The following B4GALT7 variants were observed in gnomAD, a reference collection of about 807,000 sequenced individuals.
B4GALT7 encodes the protein UDP-Gal:beta-GlcNAc beta-1,4-galactosyltransferase 7.
Under a neutral mutation model 33.0 loss-of-function variants are expected in B4GALT7, and 30 were observed. The ratio of observed to expected loss-of-function variants is 0.91; its 90% CI spans 0.68 to 1.23. The LOEUF (loss-of-function observed/expected upper bound fraction) is 1.23, where lower values mean the gene tolerates loss of function less well. Ranked by LOEUF, B4GALT7 falls within the 50% of genes most tolerant of loss-of-function variation. B4GALT7 has a pLI of 0.00. For missense variants in B4GALT7, 507 were observed against 450.8 expected, an observed-to-expected ratio of 1.12 and a Z score of -1.13; for synonymous variants, 213 against 187.2, an observed-to-expected ratio of 1.14 and a Z score of -1.13.
In B4GALT7 at chr5:177,608,990, G is replaced by A. The variant is rs1254582509; in HGVS notation, c.804G>A (p.Gln268=). The change falls in exon 5 of 6, where the codon CAG becomes CAA. Residue 268 remains glutamine, a synonymous_variant. Coordinates refer to ENST00000029410, the MANE Select transcript of B4GALT7 (RefSeq NM_007255.3). This position sits in a 1 kb window ranked among gnomAD's most constrained non-coding sequence, Gnocchi z 4.1. ...ACCCAGCCTGGCGGAAGAGGGACCA[G>A]AAGCGCATCGCAGCTCAAAAACAGG... ...LHDPAWRKRD[Q]KRIAAQKQEQ... 3.1e-6 allele frequency: 5 copies of A among 1,612,584 alleles called. No homozygotes were observed. Among genetic ancestry groups the A allele is most frequent in the Non-Finnish European group, 3.4e-6 (4 of 1,179,986 alleles).
At position 177,603,128 on chromosome 5, in the gene B4GALT7, G is replaced by T. The variant is rs1463698468; in HGVS notation, c.51-1051G>T. On this transcript the variant is annotated intron_variant, in intron 1 of 5. Coordinates refer to ENST00000029410, the MANE Select transcript of B4GALT7 (RefSeq NM_007255.3). The stretch of plus-strand genomic sequence containing the variant: ...GAGCTCCTGACCTCGTGATGCACCT[G>T]CCTCGGCCTCCCAAAGTGCTGGGAT... The T allele has an allele frequency of 3.7e-6, 3 of 800,320 alleles. No individual in the cohort carries two copies. The East Asian group carries it at 3.8e-4, about 101-fold the overall frequency. 49.6% of individuals were successfully genotyped at this position (800,320 alleles called of 1,614,324 possible).
intron 2 of B4GALT7, 122 bp downstream of exon 2, chr5:177,604,663 GGT>G: frequency 7.7e-7 from 1 of 1,304,496 alleles, no homozygotes; most frequent in Non-Finnish European, 1.1e-6. Flanking sequence ...CCTCTCACTG[GGT>G]GTGACAGGAA....
In B4GALT7 at chr5:177,607,306, A is replaced by G; in HGVS notation, c.418A>G (p.Asn140Asp). The change falls in exon 3 of 6, where the codon AAC becomes GAC. Residue 140 changes from asparagine to aspartate, a missense_variant. Transcript: ENST00000029410. ...VLNQVDHFRF[N>D]RAALINVGFL... ...AGCCTTGCCCACCCTGCACAGGTTC[A>G]ACCGGGCAGCGCTCATCAACGTGGG... is the stretch of plus-strand genomic sequence containing the variant. 1 of 1,607,536 alleles carries G rather than the reference A, an allele frequency of 6.2e-7. No homozygotes were observed. The highest frequency in any genetic ancestry group is 1.1e-5 in the South Asian group (1 of 90,062).
chr5:177,604,354 C>T lies in B4GALT7; in HGVS notation c.226C>T (p.Pro76Ser), dbSNP rs563580440. The T allele has an allele frequency of 4.3e-6, 7 of 1,611,970 alleles. No individual in the cohort carries two copies. The highest frequency in any genetic ancestry group is 3.3e-5 in the Admixed American group (2 of 59,936). ...QETSGPPRAC[P>S]PEPPPEHWEE... The stretch of plus-strand genomic sequence containing the variant: ...GACCTCGGGCCCTCCCCGTGCCTGC[C>T]CCCCAGAGCCGCCCCCTGAGCACTG... The change falls in exon 2 of 6, where the codon CCC becomes TCC. Residue 76 changes from proline to serine, a missense_variant. Transcript: ENST00000029410.
At chr5:177,602,873 GAATT>G in intron 1 of B4GALT7, 1 of 870,526 alleles carries the variant, frequency 1.1e-6, no homozygotes, top group Non-Finnish European at 1.3e-6. Flanking sequence ...TTAGGAGATA[GAATT>G]TATTTATTTA....
In B4GALT7 at chr5:177,608,367, G is replaced by A. The variant is rs762389758; in HGVS notation, c.640-172G>A. 3.2e-6 allele frequency: 2 copies of A among 619,518 alleles called. No individual in the cohort carries two copies. The highest frequency in any genetic ancestry group is 1.8e-5 in the African/African-American group (1 of 54,420). The allele number at this position is 619,518 out of a possible 1,614,324, so 38.4% of individuals were successfully genotyped here. ...TCAAGGCCCCGTGAGAACGGGAGAG[G>A]GCCCGGGACGCGCTGCTTCCTGCCG... On this transcript the variant is annotated intron_variant, in intron 3 of 5. Transcript: ENST00000029410. The surrounding 1 kb of genome is among the most constrained non-coding windows in gnomAD (Gnocchi z 4.1).
Position 177,600,404 on chromosome 5 carries a change from T to C in B4GALT7, c.50+144T>C, listed in dbSNP as rs2306760. 0.099 allele frequency: 59,228 copies of C among 600,386 alleles called. 4,340 individuals carry two copies. The highest frequency in any genetic ancestry group is 0.32 in the East Asian group (8,740 of 27,368). 37.2% of individuals were successfully genotyped at this position (600,386 alleles called of 1,614,324 possible). A position where few individuals can be genotyped will look rare whatever the true frequency, so the allele number is the denominator to read the frequency against. ...GCGTGTGGTTCTCCCTGTGGGTCCCTGGCGCTCTGTTCCGGTTTCTGTCTG... is the reference window on the plus strand; with the variant it reads ...GCGTGTGGTTCTCCCTGTGGGTCCCCGGCGCTCTGTTCCGGTTTCTGTCTG... On this transcript the variant is annotated intron_variant, in intron 1 of 5. Transcript: ENST00000029410. The surrounding 1 kb of genome is among the most constrained non-coding windows in gnomAD (Gnocchi z 4.4).
At chr5:177,602,742 C>A (rs1401348846) in intron 1 of B4GALT7, 3 of 794,034 alleles carry the variant, frequency 3.8e-6, no homozygotes, top group South Asian at 5.7e-5. Context: ...TCATGGAGGG[C>A]TTTGACTGTC....
At chr5:177,605,334 C>G (rs904271738) in intron 2 of B4GALT7, 1 of 278,532 alleles carries the variant, frequency 3.6e-6, no homozygotes, top group South Asian at 3.4e-5. Context: ...AAAGACAACA[C>G]GTGAGGCGGC....
chr5:177,609,000 G>A lies in B4GALT7; in HGVS notation c.814G>A (p.Ala272Thr), dbSNP rs146632722. The A allele has an allele frequency of 1.0e-3, 1,648 of 1,611,628 alleles. 1 individual carries two copies. The highest frequency in any genetic ancestry group is 1.3e-3 in the Non-Finnish European group (1,560 of 1,179,892). Residue 272 changes from alanine to threonine, a missense_variant, in exon 5 of 6, where the codon GCA (alanine) becomes ACA (threonine). Transcript: ENST00000029410. The surrounding 1 kb of genome is among the most constrained non-coding windows in gnomAD (Gnocchi z 4.1). ...GCGGAAGAGGGACCAGAAGCGCATC[G>A]CAGCTCAAAAACAGGTGCTGGCAGG... ...AWRKRDQKRI[A>T]AQKQEQFKVD...
intron 1 of B4GALT7, among the ~76,000 whole-genome samples, chr5:177,601,777 G>A (rs1223350100): frequency 6.6e-6 from 1 of 151,744 alleles, no homozygotes; most frequent in East Asian, 2.0e-4. Context: ...GAGCCACTGG[G>A]ACTGCAAATC....
In B4GALT7 at chr5:177,600,324, C is replaced by T; in HGVS notation, c.50+64C>T. The stretch of plus-strand genomic sequence containing the variant: ...GCGCCGCTCCCTTCTCGGCCGCCGG[C>T]GGAATCTGGGAACCCGAGGCCATCA... On this transcript the variant is annotated intron_variant, in intron 1 of 5. Transcript: ENST00000029410. The surrounding 1 kb of genome is among the most constrained non-coding windows in gnomAD (Gnocchi z 4.4). 8.1e-7 allele frequency: 1 copy of T among 1,236,132 alleles called. No homozygotes were observed. The highest frequency in any genetic ancestry group is 1.0e-6 in the Non-Finnish European group (1 of 975,964). 76.6% of individuals were successfully genotyped at this position (1,236,132 alleles called of 1,614,324 possible). A position where few individuals can be genotyped will look rare whatever the true frequency, so the allele number is the denominator to read the frequency against.
In B4GALT7 at chr5:177,606,969, C is replaced by T. The variant is rs561598099; in HGVS notation, c.414-333C>T. On this transcript the variant is annotated intron_variant, in intron 2 of 5. Coordinates refer to ENST00000029410, the MANE Select transcript of B4GALT7 (RefSeq NM_007255.3). The surrounding 1 kb of genome is among the most constrained non-coding windows in gnomAD (Gnocchi z 4.2). The stretch of plus-strand genomic sequence containing the variant: ...GCCACCTCCACCCCCAGCAAGATCG[C>T]CCTCCTTGCCTGCTTTGCTTTTCCC... 1.8e-4 allele frequency: 74 copies of T among 411,406 alleles called. 1 individual carries two copies. The highest frequency in any genetic ancestry group is 1.5e-3 in the South Asian group (72 of 47,322). The allele number at this position is 411,406 out of a possible 1,614,324, so 25.5% of individuals were successfully genotyped here.
chr5:177,607,627 A>T, intron 3 of B4GALT7, 100 bp downstream of exon 3: 1 of 1,193,750 alleles, frequency 8.4e-7, no homozygotes, highest in Non-Finnish European at 1.2e-6. Flanking sequence ...CAGCAGATGG[A>T]GCCCTGCCCT....
Position 177,607,732 on chromosome 5 carries a change from A to C in B4GALT7, c.639+205A>C, listed in dbSNP as rs190108438. Reference sequence around the variant, plus strand: ...AACTGCTTGCACGGGGGCTTCAGAAACCTGGGTGGTTAGTGGCCCTTAACA... The same window carrying C: ...AACTGCTTGCACGGGGGCTTCAGAACCCTGGGTGGTTAGTGGCCCTTAACA... On this transcript the variant is annotated intron_variant, in intron 3 of 5. Transcript: ENST00000029410. The C allele has an allele frequency of 5.1e-4, 309 of 610,966 alleles. 2 individuals carry two copies. Among genetic ancestry groups the C allele is most frequent in the African/African-American group, 3.8e-3 (207 of 54,244 alleles). The allele number at this position is 610,966 out of a possible 1,614,324, so 37.8% of individuals were successfully genotyped here.
intron 5 of B4GALT7, 72 bp from the exon 6 acceptor site, chr5:177,609,468 T>G (rs907892420): frequency 3.2e-6 from 5 of 1,571,954 alleles, no homozygotes; most frequent in African/African-American, 2.7e-5. Flanking sequence ...GATGGCGAGG[T>G]TGTGTGGGGT....
rs1484335990 is a variant in B4GALT7 at position 177,606,678 on chromosome 5, A to G, written c.414-624A>G. ...CGCCTCTACCCTGCTCAGAGCCTCC[A>G]TGGCACCCATCTTACCCGAGTCAAA... On this transcript the variant is annotated intron_variant, in intron 2 of 5. Transcript: ENST00000029410. The surrounding 1 kb of genome is among the most constrained non-coding windows in gnomAD (Gnocchi z 4.2). The G allele has an allele frequency of 5.2e-6, 1 of 193,948 alleles. No homozygotes were observed. The highest frequency in any genetic ancestry group is 5.3e-5 in the Admixed American group (1 of 18,694). 12.0% of individuals were successfully genotyped at this position (193,948 alleles called of 1,614,324 possible).
chr5:177,604,562 C>CT (rs1162840855), intron 2 of B4GALT7, 21 bp downstream of exon 2: 1 of 1,613,210 alleles, frequency 6.2e-7, no homozygotes, highest in African/African-American at 1.3e-5. Context: ...CCCCCACCCT[C>CT]TCCCCTCGGC....
rs1483839796 is a variant in B4GALT7, at chr5:177,604,373, A to G, written c.245A>G (p.Glu82Gly). The G allele has an allele frequency of 1.1e-5, 17 of 1,612,936 alleles. No homozygotes were observed. Among genetic ancestry groups the G allele is most frequent in the Admixed American group, 3.3e-5 (2 of 59,966 alleles). The part of the protein sequence containing the change: ...PRACPPEPPP[E>G]HWEEDASWGP... ...GCCTGCCCCCCAGAGCCGCCCCCTG[A>G]GCACTGGGAAGAAGACGCATCCTGG... The change falls in exon 2 of 6, where the codon GAG (glutamate) becomes GGG (glycine). Residue 82 changes from glutamate (E) to glycine (G), a missense_variant. Transcript: ENST00000029410.
Sources: gnomAD v4.1 joint callset for allele counts (sites outside exome capture counted in the v4.1 genomes callset) on GRCh38, gnomAD v4.1.1 for gene constraint, Gnocchi (gnomAD v3.1) non-coding constraint, MANE v1.5 for transcripts, NCBI Gene and HGNC (gene_info 2026-07-23, HGNC 2026-07-21) for gene names.